Variants in MAN1A1 observed in about 807,000 individuals in gnomAD.
MAN1A1 encodes the protein mannosyl-oligosaccharide 1,2-alpha-mannosidase IA.
Under a neutral mutation model 70.8 loss-of-function variants are expected in MAN1A1, and 29 were observed. The observed-to-expected ratio is 0.41, with a 90% CI of 0.31 to 0.56. MAN1A1 has a LOEUF of 0.56. MAN1A1 is among the 20% of genes least tolerant of loss of function. The pLI is 0.29. For missense variants in MAN1A1, 747 were observed against 841.3 expected, an observed-to-expected ratio of 0.89 and a Z score of 1.39; for synonymous variants, 349 against 330.1, an observed-to-expected ratio of 1.06 and a Z score of -0.62.
At position 119,235,559 on chromosome 6, in the gene MAN1A1, C is replaced by G. The variant is rs188982297; in HGVS notation, c.992+12701G>C. On this transcript the variant is annotated intron_variant, in intron 6 of 12. Transcript: ENST00000368468. ...GGTTCATGAAGGTGAAGAGAAGAAG[C>G]TGTCTCTGTAACATAGAAGTGCAAG... Among the ~76,000 whole-genome samples the G allele has an allele frequency of 1.2e-4, 19 of 152,304 alleles. No homozygotes were observed. In the East Asian group the frequency reaches 1.9e-3, roughly 15 times the overall value.
intron 11 of MAN1A1, among the ~76,000 whole-genome samples, chr6:119,182,385 T>C (rs912187403): frequency 6.6e-6 from 1 of 152,232 alleles, no homozygotes; most frequent in African/African-American, 2.4e-5. Flanking sequence ...ATGTTTGCTT[T>C]TGTTGCCTGT....
intron 5 of MAN1A1, among the ~76,000 whole-genome samples, chr6:119,287,421 G>C (rs1218280509): frequency 6.6e-6 from 1 of 152,044 alleles, no homozygotes; most frequent in Non-Finnish European, 1.5e-5. Context: ...CTCTTGCAAT[G>C]TCATATTTTA....
intron 6 of MAN1A1, among the ~76,000 whole-genome samples, chr6:119,240,498 G>T (rs563500938): frequency 6.6e-6 from 1 of 152,086 alleles, no homozygotes; most frequent in African/African-American, 2.4e-5. Flanking sequence ...AATGAGGACC[G>T]CTACAGCCTG....
intron 5 of MAN1A1, among the ~76,000 whole-genome samples, chr6:119,270,333 CATATTA>C (rs1392145794): frequency 6.6e-6 from 1 of 152,136 alleles, no homozygotes; most frequent in Admixed American, 6.5e-5. Context: ...ATCATATGCT[CATATTA>C]ATATTTTCAA....
chr6:119,241,972 G>A lies in MAN1A1; in HGVS notation c.992+6288C>T, dbSNP rs1018392301. Reference sequence around the variant, plus strand: ...TATGTGTGTGTGTGTGTGTGTGTGTGTATATGTGTGTGTATATATATATTA... The same window carrying A: ...TATGTGTGTGTGTGTGTGTGTGTGTATATATGTGTGTGTATATATATATTA... On this transcript the variant is annotated intron_variant, in intron 6 of 12. Transcript: ENST00000368468. Among the ~76,000 whole-genome samples, 39 of 148,900 alleles carry A rather than the reference G, an allele frequency of 2.6e-4. No individual in the cohort carries two copies. In the Middle Eastern group the frequency reaches 0.01, roughly 39 times the overall value.
intron 8 of MAN1A1, among the ~76,000 whole-genome samples, chr6:119,195,915 C>T (rs975878006): frequency 1.3e-5 from 2 of 152,202 alleles, no homozygotes; most frequent in African/African-American, 4.8e-5. Context: ...ACAGAAACCT[C>T]TGACATTTAC....
At chr6:119,245,299 A>G (rs1411265247) in intron 6 of MAN1A1, among the ~76,000 whole-genome samples, 1 of 152,134 alleles carries the variant, frequency 6.6e-6, no homozygotes, top group East Asian at 1.9e-4. Context: ...TGCCAGATAT[A>G]TGTTTCCCCA....
intron 11 of MAN1A1, among the ~76,000 whole-genome samples, chr6:119,185,019 G>A (rs916487103): frequency 4.6e-5 from 7 of 152,168 alleles, no homozygotes; most frequent in South Asian, 2.1e-4. Context: ...CTCTTGAGTA[G>A]CTAGGGACTA....
At chr6:119,207,695 C>A (rs1773910682) in intron 6 of MAN1A1, among the ~76,000 whole-genome samples, 1 of 152,116 alleles carries the variant, frequency 6.6e-6, no homozygotes, top group African/African-American at 2.4e-5. Flanking sequence ...ACTGAGGAAT[C>A]TATGTGTTTA....
At chr6:119,349,797 G>A (rs1773854650), upstream of MAN1A1, 13 of 972,040 alleles carry the variant, frequency 1.3e-5, no homozygotes, top group East Asian at 1.1e-4. Context: ...TGGAAAGCGA[G>A]GGAGGCGACG....
At chr6:119,291,924 A>C (rs1285266345) in intron 4 of MAN1A1, among the ~76,000 whole-genome samples, 1 of 152,018 alleles carries the variant, frequency 6.6e-6, no homozygotes, top group African/African-American at 2.4e-5. Context: ...CAATGACCTT[A>C]TGAATTAATT....
Position 119,348,711 on chromosome 6 carries a change from C to T in MAN1A1, c.355G>A (p.Asp119Asn), listed in dbSNP as rs770816933. Residue 119 changes from aspartate to asparagine, a missense_variant, in exon 2 of 13, where the codon GAC (aspartate) becomes AAC (asparagine). Physicochemically the swap from Asp to Asn is conservative, Grantham distance 23. Coordinates refer to ENST00000368468, the MANE Select transcript of MAN1A1 (RefSeq NM_005907.4). Reference sequence around the variant, plus strand: ...TTTTCGCGGATCCTGGCCAAGTTGTCCTCCAGGGCGGCCTCCGGGTCCCCG... The same window carrying T: ...TTTTCGCGGATCCTGGCCAAGTTGTTCTCCAGGGCGGCCTCCGGGTCCCCG... ...APGDPEAALE[D>N]NLARIRENHE... 3.8e-6 allele frequency: 6 copies of T among 1,596,636 alleles called. No individual in the cohort carries two copies. The African/African-American group carries it at 6.8e-5, about 18-fold the overall frequency.
intron 2 of MAN1A1, among the ~76,000 whole-genome samples, chr6:119,321,978 A>T (rs1479819028): frequency 6.6e-6 from 1 of 152,144 alleles, no homozygotes; most frequent in Non-Finnish European, 1.5e-5. Context: ...CCTCCATAAC[A>T]GTGGCCCACT....
Position 119,348,959 on chromosome 6 carries a change from AGGGCGGC to A in MAN1A1, c.100_106del (p.Ala34SerfsTer3). 6.6e-7 allele frequency: 1 copy of A among 1,524,910 alleles called. No individual in the cohort carries two copies. The highest frequency in any genetic ancestry group is 8.8e-7 in the Non-Finnish European group (1 of 1,135,514). 94.5% of individuals were successfully genotyped at this position (1,524,910 alleles called of 1,614,324 possible). A position where few individuals can be genotyped will look rare whatever the true frequency, so the allele number is the denominator to read the frequency against. ...CAGCACGAACTTCTCCGTCAGGCGG[AGGGCGGC>A]GGGGCCCGACCCCTTCCTGCCACCG... On this transcript the variant is annotated frameshift_variant, in exon 2 of 13. Coordinates refer to ENST00000368468, the MANE Select transcript of MAN1A1 (RefSeq NM_005907.4). LOFTEE classifies it high-confidence loss of function.
intron 6 of MAN1A1, among the ~76,000 whole-genome samples, chr6:119,226,455 T>C (rs1365784054): frequency 6.6e-6 from 1 of 152,154 alleles, no homozygotes; most frequent in African/African-American, 2.4e-5. Context: ...ATCATTATTG[T>C]GGACAGCAAA....
At chr6:119,197,815 A>G (rs1466998373) in intron 8 of MAN1A1, among the ~76,000 whole-genome samples, 1 of 149,164 alleles carries the variant, frequency 6.7e-6, no homozygotes, top group Non-Finnish European at 1.5e-5. Context: ...TTTTTTTTCC[A>G]TCAGGAAATT....
chr6:119,217,024 C>T (rs1045466499), intron 6 of MAN1A1, among the ~76,000 whole-genome samples: 2 of 152,158 alleles, frequency 1.3e-5, no homozygotes, highest in Non-Finnish European at 2.9e-5. Context: ...AGGATAAAAT[C>T]CTACAAGTCT....
intron 2 of MAN1A1, among the ~76,000 whole-genome samples, chr6:119,316,146 T>G (rs1772845883): frequency 6.7e-6 from 1 of 148,956 alleles, no homozygotes; most frequent in African/African-American, 2.5e-5. Context: ...TCTTTAGTGA[T>G]CAAGAGAAAA....
At chr6:119,324,078 G>A in intron 2 of MAN1A1, among the ~76,000 whole-genome samples, 1 of 152,052 alleles carries the variant, frequency 6.6e-6, no homozygotes, top group Non-Finnish European at 1.5e-5. Flanking sequence ...AAGTACAGCT[G>A]ACCCTTGAAC....
Sources: allele counts gnomAD v4.1 joint callset (sites outside exome capture counted in the v4.1 genomes callset), GRCh38; gene constraint gnomAD v4.1.1; transcripts MANE v1.5; gene names NCBI Gene and HGNC (gene_info 2026-07-23, HGNC 2026-07-21).